HMGXB4: variants seen among roughly 807,000 people sequenced by gnomAD.
HMGXB4 encodes the protein HMG-box containing 4.
HMGXB4 carries 27 observed loss-of-function variants against 63.9 expected under a neutral mutation model. The ratio of observed to expected loss-of-function variants is 0.42; its 90% CI spans 0.31 to 0.58. The LOEUF (loss-of-function observed/expected upper bound fraction) is 0.58, where lower values mean the gene tolerates loss of function less well. Among genes scored for constraint, HMGXB4 ranks in the 20% least tolerant of loss-of-function variants. The probability of loss-of-function intolerance (pLI) is 0.13; values close to 1 mark genes in which losing one functional copy is unlikely to be tolerated. For missense variants in HMGXB4, 624 were observed against 700.7 expected, an observed-to-expected ratio of 0.89 and a Z score of 1.24; for synonymous variants, 264 against 265.3, an observed-to-expected ratio of 0.99 and a Z score of 0.05.
intron 9 of HMGXB4, among the ~76,000 whole-genome samples, chr22:35,290,396 A>G (rs1208817719): frequency 6.6e-6 from 1 of 152,050 alleles, no homozygotes; most frequent in African/African-American, 2.4e-5. Context: ...CTGTAATCCC[A>G]GCACTTTGGG....
chr22:35,285,041 A>C (rs1924481467), intron 6 of HMGXB4, among the ~76,000 whole-genome samples: 1 of 152,234 alleles, frequency 6.6e-6, no homozygotes, highest in Non-Finnish European at 1.5e-5. Flanking sequence ...GTAAAAACCT[A>C]ACATCTTTTT....
At chr22:35,265,787 A>ATCTT (rs915568561) in intron 5 of HMGXB4, among the ~76,000 whole-genome samples, 184 bp downstream of exon 5, 1 of 149,522 alleles carries the variant, frequency 6.7e-6, no homozygotes, top group Admixed American at 6.7e-5. Context: ...TATAGAAGCA[A>ATCTT]TCTTTTTTTT....
At chr22:35,264,507 T>C (rs1249933796) in intron 4 of HMGXB4, 141 bp from the exon 5 acceptor site, 12 of 652,440 alleles carry the variant, frequency 1.8e-5, no homozygotes, top group Middle Eastern at 4.4e-4. Flanking sequence ...TTCTCAATGT[T>C]AGGAATCAGT....
At chr22:35,282,392 G>GGTCTCA (rs1924318035) in intron 5 of HMGXB4, among the ~76,000 whole-genome samples, 2 of 152,224 alleles carry the variant, frequency 1.3e-5, no homozygotes, top group Admixed American at 1.3e-4. Context: ...TAGCCAGGAT[G>GGTCTCA]ACCTCGTGAT....
chr22:35,270,334 A>G (rs1263403694), intron 5 of HMGXB4, among the ~76,000 whole-genome samples: 2 of 152,190 alleles, frequency 1.3e-5, no homozygotes, highest in East Asian at 1.9e-4. Flanking sequence ...ACTGTCTCCC[A>G]TCACCCCCAG....
chr22:35,289,661 C>G (rs1924812101), intron 9 of HMGXB4, among the ~76,000 whole-genome samples: 1 of 152,172 alleles, frequency 6.6e-6, no homozygotes, highest in Admixed American at 6.5e-5. Flanking sequence ...AGGTTCCCAG[C>G]TCTCCATTAC....
Position 35,265,401 on chromosome 22 carries a change from G to A in HMGXB4, c.1013G>A (p.Arg338Gln), listed in dbSNP as rs1411847818. 7 of 1,613,926 alleles carry A rather than the reference G, an allele frequency of 4.3e-6. No individual in the cohort carries two copies. In the Admixed American group the frequency reaches 5.0e-5, roughly 12 times the overall value. The change falls in exon 5 of 11, where the codon CGA becomes CAA. Residue 338 changes from arginine (R) to glutamine (Q), a missense_variant. Coordinates refer to ENST00000216106, the MANE Select transcript of HMGXB4 (RefSeq NM_001003681.3). ...GACAAGGAGAAGCATAAAGAGAAGC[G>A]ACACTCCAAGTCCAAGAGAAGTTTA... ...KKDKEKHKEK[R>Q]HSKSKRSLGL...
chr22:35,274,349 T>G (rs117987297), intron 5 of HMGXB4, among the ~76,000 whole-genome samples: 4 of 152,316 alleles, frequency 2.6e-5, no homozygotes, highest in Admixed American at 6.5e-5. Flanking sequence ...GAAGTTGATA[T>G]GACTGAAGCA....
chr22:35,251,133 G>A, the HMGXB4 span, among the ~76,000 whole-genome samples: 1,186 of 150,932 alleles, frequency 7.9e-3, 10 homozygotes, highest in African/African-American at 0.028. Flanking sequence ...AGAGTGCAGT[G>A]GCGCGATCTT....
In HMGXB4 at chr22:35,288,233, C is replaced by G. The variant is rs370949483; in HGVS notation, c.1469-5C>G. 118 of 1,549,870 alleles carry G rather than the reference C, an allele frequency of 7.6e-5. No homozygotes were observed. The highest frequency in any genetic ancestry group is 9.7e-5 in the Non-Finnish European group (111 of 1,146,964). The stretch of plus-strand genomic sequence containing the variant: ...TACCTGTCTGCCTCATTGCTCTGTT[C>G]TCAGCCTCTTCTGTAGGAGTACTGT... On this transcript the variant is annotated splice_region_variant and splice_polypyrimidine_tract_variant and intron_variant, in intron 8 of 10. Transcript: ENST00000216106.
In HMGXB4 at chr22:35,286,061, G is replaced by A; in HGVS notation, c.1362G>A (p.Leu454=). 1.9e-6 allele frequency: 3 copies of A among 1,598,978 alleles called. No homozygotes were observed. Among genetic ancestry groups the A allele is most frequent in the Non-Finnish European group, 2.6e-6 (3 of 1,172,322 alleles). Residue 454 remains leucine, a splice_region_variant and synonymous_variant, in exon 7 of 11, where the codon CTG becomes CTA. Transcript: ENST00000216106. Reference sequence around the variant, plus strand: ...AGCAATTACCAGAAAAAGACAAACTGGTAAGTACATTTTCTTACAAACATA... The same window carrying A: ...AGCAATTACCAGAAAAAGACAAACTAGTAAGTACATTTTCTTACAAACATA... The part of the protein sequence containing the change: ...VWKQLPEKDK[L]IWKQKAQYLQ...
upstream of HMGXB4, among the ~76,000 whole-genome samples, chr22:35,254,180 G>A (rs1035097704): frequency 6.6e-6 from 1 of 152,184 alleles, no homozygotes; most frequent in Non-Finnish European, 1.5e-5. Flanking sequence ...CCTTAGATCA[G>A]GTGGACCAGA....
At chr22:35,264,442 CTG>C (rs1161654265) in intron 4 of HMGXB4, among the ~76,000 whole-genome samples, 1 of 152,178 alleles carries the variant, frequency 6.6e-6, no homozygotes, top group Non-Finnish European at 1.5e-5. Flanking sequence ...GTGGCAAGAA[CTG>C]TGTCCAGGGT....
chr22:35,247,114 C>G, the HMGXB4 span, among the ~76,000 whole-genome samples: 1 of 152,074 alleles, frequency 6.6e-6, no homozygotes, highest in South Asian at 2.1e-4. Context: ...TTATTGAATG[C>G]CAGGTATTGT....
rs1221264524 is a variant in HMGXB4 at position 35,287,142 on chromosome 22, G to A, written c.1363-205G>A. ...GATTTGACCATTAGCATTGAGGAAT[G>A]TTTATAGTCCTTTACTAAGATATTA... On this transcript the variant is annotated intron_variant, in intron 7 of 10. Transcript: ENST00000216106. The A allele has an allele frequency of 1.5e-5, 8 of 523,594 alleles. No homozygotes were observed. In the Admixed American group the frequency reaches 2.6e-4, roughly 17 times the overall value. 32.4% of individuals were successfully genotyped at this position (523,594 alleles called of 1,614,324 possible).
chr22:35,292,967 A>G, intron 9 of HMGXB4, 25 bp from the exon 10 acceptor site: 1 of 1,614,194 alleles, frequency 6.2e-7, no homozygotes, highest in Middle Eastern at 1.7e-4. Flanking sequence ...GTGTGACTCA[A>G]GCAACAACCT....
chr22:35,285,930 C>T lies in HMGXB4; in HGVS notation c.1298-67C>T, dbSNP rs370719963. On this transcript the variant is annotated intron_variant, in intron 6 of 10. Coordinates refer to ENST00000216106, the MANE Select transcript of HMGXB4 (RefSeq NM_001003681.3). ...AAAACCCTTTTCCAGTTTTTGCTTT[C>T]ACCAATCTTCTATTTTGTTAATAGC... The T allele has an allele frequency of 2.0e-4, 243 of 1,228,838 alleles. No individual in the cohort carries two copies. In the African/African-American group the frequency reaches 3.4e-3, roughly 17 times the overall value. 76.1% of individuals were successfully genotyped at this position (1,228,838 alleles called of 1,614,324 possible).
intron 1 of HMGXB4, among the ~76,000 whole-genome samples, chr22:35,259,714 C>T (rs756332259): frequency 7.9e-5 from 12 of 152,154 alleles, no homozygotes; most frequent in Non-Finnish European, 1.6e-4. Context: ...TGATACAGTC[C>T]GTTGTGTTTA....
the HMGXB4 span, among the ~76,000 whole-genome samples, chr22:35,250,933 T>C: frequency 3.5e-4 from 53 of 152,240 alleles, no homozygotes; most frequent in African/African-American, 1.2e-3. Context: ...GCAGGAAAGC[T>C]CAAGTGGATG....
Sources: allele counts gnomAD v4.1 joint callset (sites outside exome capture counted in the v4.1 genomes callset), GRCh38; gene constraint gnomAD v4.1.1; transcripts MANE v1.5; gene names NCBI Gene and HGNC (gene_info 2026-07-23, HGNC 2026-07-21).